The following CAMK4 variants were observed in gnomAD, a reference collection of about 807,000 sequenced individuals.
CAMK4 encodes calcium/calmodulin-dependent protein kinase type IV.
Under a neutral mutation model 44.9 loss-of-function variants are expected in CAMK4, and 22 were observed. The observed-to-expected ratio is 0.49, with a 90% CI of 0.35 to 0.70. The LOEUF is 0.70. CAMK4 is among the 30% of genes least tolerant of loss of function. The pLI is 0.01. For synonymous variants in CAMK4, 218 were observed against 215.4 expected (o/e 1.01, Z -0.11); for missense variants, 498 against 586.8 (o/e 0.85, Z 1.56).
At chr5:111,333,287 G>A (rs1314988309) in intron 1 of CAMK4, among the ~76,000 whole-genome samples, 1 of 151,502 alleles carries the variant, frequency 6.6e-6, no homozygotes, top group Non-Finnish European at 1.5e-5. Flanking sequence ...CAAAAATTCA[G>A]TTCTGTGTGC....
At chr5:111,440,216 A>G (rs1002888466) in intron 5 of CAMK4, among the ~76,000 whole-genome samples, 7 of 152,272 alleles carry the variant, frequency 4.6e-5, no homozygotes, top group African/African-American at 1.7e-4. Context: ...GGCAGGAGAC[A>G]TGGACCTTGA....
intron 1 of CAMK4, among the ~76,000 whole-genome samples, chr5:111,252,017 T>C (rs191062147): frequency 3.3e-5 from 5 of 152,344 alleles, no homozygotes; most frequent in African/African-American, 1.2e-4. Flanking sequence ...TCTTTATGCT[T>C]GTGTTACTTC....
chr5:111,419,329 G>C (rs1752934693), intron 5 of CAMK4, among the ~76,000 whole-genome samples: 1 of 152,130 alleles, frequency 6.6e-6, no homozygotes, highest in South Asian at 2.1e-4. Context: ...GTTCATTGTA[G>C]ATTCTGGATA....
chr5:111,369,068 T>A (rs381717), intron 2 of CAMK4, among the ~76,000 whole-genome samples: 68,942 of 145,406 alleles, frequency 0.47, 16,759 homozygotes, highest in African/African-American at 0.58. Flanking sequence ...TAATAATAAT[T>A]ATTATTATTA....
intron 1 of CAMK4, among the ~76,000 whole-genome samples, chr5:111,270,620 T>A (rs1750469570): frequency 6.6e-6 from 1 of 152,164 alleles, no homozygotes; most frequent in South Asian, 2.1e-4. Flanking sequence ...CTTACCCCTA[T>A]TCCCTTCCTT....
chr5:111,463,872 A>T (rs941768105), intron 7 of CAMK4, among the ~76,000 whole-genome samples: 1 of 152,152 alleles, frequency 6.6e-6, no homozygotes, highest in African/African-American at 2.4e-5. Context: ...CTTCCCTCTG[A>T]CATAGTCCAC....
At chr5:111,333,023 A>C (rs1749238098) in intron 1 of CAMK4, among the ~76,000 whole-genome samples, 1 of 151,718 alleles carries the variant, frequency 6.6e-6, no homozygotes, top group African/African-American at 2.4e-5. Context: ...GTTCAGTGAA[A>C]AAATGCAAAT....
intron 1 of CAMK4, among the ~76,000 whole-genome samples, chr5:111,326,879 A>G (rs1026940584): frequency 7.9e-5 from 12 of 151,972 alleles, no homozygotes; most frequent in East Asian, 3.9e-4. Flanking sequence ...GCATGGACCA[A>G]TGGCAACAGT....
chr5:111,434,480 G>T (rs1753577483), intron 5 of CAMK4, among the ~76,000 whole-genome samples: 1 of 152,142 alleles, frequency 6.6e-6, no homozygotes, highest in African/African-American at 2.4e-5. Context: ...TGTCTCAGGG[G>T]CCCCGAAGCT....
intron 5 of CAMK4, among the ~76,000 whole-genome samples, chr5:111,398,201 A>G (rs59969043): frequency 6.6e-6 from 1 of 152,138 alleles, no homozygotes; most frequent in Non-Finnish European, 1.5e-5. Flanking sequence ...TAAAGTAAAA[A>G]CCTAAATCTG....
chr5:111,450,691 G>A (rs2112980664), intron 7 of CAMK4, among the ~76,000 whole-genome samples: 1 of 150,286 alleles, frequency 6.7e-6, no homozygotes, highest in East Asian at 1.9e-4. Flanking sequence ...AGGAGGCTGA[G>A]GCAGTAGAAT....
At position 111,337,347 on chromosome 5, in the gene CAMK4, T is replaced by G. The variant is rs1749449296; in HGVS notation, c.162-6677T>G. ...TCAAGTTTGTGAGTGAACATTGTTT[T>G]GATCTTACTTGAGTAAATACCTAGA... On this transcript the variant is annotated intron_variant, in intron 1 of 10. Transcript: ENST00000282356. Among the ~76,000 whole-genome samples, 4 of 151,348 alleles carry G rather than the reference T, an allele frequency of 2.6e-5. No homozygotes were observed. The Admixed American group carries it at 2.6e-4, about 10-fold the overall frequency.
At chr5:111,414,637 A>G (rs1202190724) in intron 5 of CAMK4, among the ~76,000 whole-genome samples, 1 of 152,228 alleles carries the variant, frequency 6.6e-6, no homozygotes, top group East Asian at 1.9e-4. Flanking sequence ...GTGTTCTTGG[A>G]AAAACAAAAT....
chr5:111,361,492 G>A (rs1750589006), intron 2 of CAMK4, among the ~76,000 whole-genome samples: 1 of 151,910 alleles, frequency 6.6e-6, no homozygotes, highest in African/African-American at 2.4e-5. Flanking sequence ...TTGGTCATAT[G>A]AAATGGTCAT....
intron 5 of CAMK4, among the ~76,000 whole-genome samples, chr5:111,400,543 C>A (rs1013295622): frequency 1.3e-5 from 2 of 152,136 alleles, no homozygotes; most frequent in African/African-American, 4.8e-5. Flanking sequence ...CGTAACATAT[C>A]TTGCAATCCC....
chr5:111,326,664 G>T (rs1313328661), intron 1 of CAMK4, among the ~76,000 whole-genome samples: 4 of 142,972 alleles, frequency 2.8e-5, no homozygotes, highest in African/African-American at 1.1e-4. Context: ...GTCTCTCTGT[G>T]TGTGTGTAAA....
chr5:111,415,848 T>G (rs1263173027), intron 5 of CAMK4, among the ~76,000 whole-genome samples: 1 of 152,088 alleles, frequency 6.6e-6, no homozygotes, highest in Non-Finnish European at 1.5e-5. Flanking sequence ...ACAAAATAAA[T>G]AAAAAACAAT....
At chr5:111,443,649 C>T (rs1305670649) in intron 5 of CAMK4, among the ~76,000 whole-genome samples, 1 of 151,988 alleles carries the variant, frequency 6.6e-6, no homozygotes, top group Non-Finnish European at 1.5e-5. Flanking sequence ...TAGAACGCAA[C>T]CACCTTTTCG....
chr5:111,294,163 A>G (rs1747392698), intron 1 of CAMK4, among the ~76,000 whole-genome samples: 1 of 152,232 alleles, frequency 6.6e-6, no homozygotes, highest in South Asian at 2.1e-4. Context: ...GAATACATAT[A>G]GAAAGCTCAC....
Sources: allele counts gnomAD v4.1 joint callset (sites outside exome capture counted in the v4.1 genomes callset), GRCh38; gene constraint gnomAD v4.1.1; transcripts MANE v1.5; gene names NCBI Gene and HGNC (gene_info 2026-07-23, HGNC 2026-07-21).